Variants in GRIK4 observed in about 807,000 individuals in gnomAD.
GRIK4 encodes the protein glutamate receptor ionotropic, kainate 4.
GRIK4 carries 40 observed loss-of-function variants against 104.9 expected under a neutral mutation model. The observed-to-expected ratio is 0.38, with a 90% CI of 0.30 to 0.50. The LOEUF (loss-of-function observed/expected upper bound fraction) is 0.50, where lower values mean the gene tolerates loss of function less well. Ranked by LOEUF, GRIK4 falls within the 20% of genes least tolerant of loss-of-function variation. GRIK4 has a pLI of 0.93. For missense variants in GRIK4, 1,047 were observed against 1,308.1 expected (o/e 0.80, Z 3.08); for synonymous variants, 485 against 524.9 (o/e 0.92, Z 1.04).
chr11:120,660,951 G>T (rs1345531607), intron 3 of GRIK4, among the ~76,000 whole-genome samples: 1 of 152,132 alleles, frequency 6.6e-6, no homozygotes, highest in South Asian at 2.1e-4. Flanking sequence ...GCTGTGGGAC[G>T]CCCACTTTAG....
At chr11:120,898,076 C>T (rs1417462230) in intron 11 of GRIK4, among the ~76,000 whole-genome samples, 2 of 152,200 alleles carry the variant, frequency 1.3e-5, no homozygotes, top group Non-Finnish European at 2.9e-5. Flanking sequence ...TTCATTCTTT[C>T]AGCCATCCAG....
intron 1 of GRIK4, among the ~76,000 whole-genome samples, chr11:120,527,433 T>TGA (rs1947869406): frequency 6.6e-6 from 1 of 152,090 alleles, no homozygotes; most frequent in Non-Finnish European, 1.5e-5. Flanking sequence ...CCCCTGCCGG[T>TGA]GAGAGAGGGA....
At chr11:120,624,284 C>T (rs1326171495) in intron 1 of GRIK4, among the ~76,000 whole-genome samples, 2 of 152,114 alleles carry the variant, frequency 1.3e-5, no homozygotes, top group East Asian at 3.9e-4. Context: ...CAAGAGCGGA[C>T]TGTCTAGGCC....
chr11:120,968,953 C>T (rs537195320), intron 19 of GRIK4, among the ~76,000 whole-genome samples: 1 of 152,328 alleles, frequency 6.6e-6, no homozygotes, highest in East Asian at 1.9e-4. Context: ...ACCCTAGCAC[C>T]GTGCTCTGCT....
intron 1 of GRIK4, among the ~76,000 whole-genome samples, chr11:120,619,397 C>T (rs1949156855): frequency 6.6e-6 from 1 of 152,088 alleles, no homozygotes; most frequent in Non-Finnish European, 1.5e-5. Flanking sequence ...TCAAATGAGA[C>T]TTTGGACTTT....
chr11:120,519,743 C>G (rs1947773095), intron 1 of GRIK4, among the ~76,000 whole-genome samples: 2 of 152,084 alleles, frequency 1.3e-5, no homozygotes. Context: ...AGTGTGATTT[C>G]AAGCTCTAGT....
intron 3 of GRIK4, among the ~76,000 whole-genome samples, chr11:120,783,670 A>G (rs1952207235): frequency 1.3e-5 from 2 of 152,160 alleles, no homozygotes; most frequent in Non-Finnish European, 1.5e-5. Context: ...CCCCTGTGGT[A>G]AGTGATATTT....
intron 3 of GRIK4, among the ~76,000 whole-genome samples, chr11:120,748,215 C>G (rs1951481482): frequency 6.6e-6 from 1 of 152,092 alleles, no homozygotes; most frequent in Admixed American, 6.6e-5. Context: ...GTCCCTCCTC[C>G]TCTAGCACTT....
chr11:120,723,317 G>C (rs1278954911), intron 3 of GRIK4, among the ~76,000 whole-genome samples: 1 of 152,110 alleles, frequency 6.6e-6, no homozygotes, highest in Non-Finnish European at 1.5e-5. Flanking sequence ...CTCATTCCCA[G>C]CCCCTGTGCT....
chr11:120,818,660 A>C (rs558259297), intron 5 of GRIK4, among the ~76,000 whole-genome samples: 1 of 152,326 alleles, frequency 6.6e-6, no homozygotes, highest in African/African-American at 2.4e-5. Flanking sequence ...TAAAAGGATA[A>C]AGTAGGAGAC....
intron 1 of GRIK4, among the ~76,000 whole-genome samples, chr11:120,531,971 A>G (rs1947928382): frequency 6.6e-6 from 1 of 151,898 alleles, no homozygotes; most frequent in South Asian, 2.1e-4. Context: ...GCAGATGGCA[A>G]CCCTTCTTCT....
intron 1 of GRIK4, among the ~76,000 whole-genome samples, chr11:120,531,535 C>T (rs558067370): frequency 2.0e-5 from 3 of 152,112 alleles, no homozygotes; most frequent in Non-Finnish European, 1.5e-5. Flanking sequence ...GGGGTCTGCC[C>T]AAGGTCATGG....
chr11:120,687,145 G>A (rs973417081), intron 3 of GRIK4, among the ~76,000 whole-genome samples: 2 of 152,162 alleles, frequency 1.3e-5, no homozygotes, highest in African/African-American at 4.8e-5. Context: ...TCTGCTTGAC[G>A]CTTATGTAAA....
At chr11:120,870,522 G>A (rs1954577073) in intron 9 of GRIK4, 1 of 152,010 alleles carries the variant, frequency 6.6e-6, no homozygotes, top group Non-Finnish European at 1.5e-5. Context: ...AGTTGTCCTG[G>A]GAGATGAGGC....
Position 120,815,425 on chromosome 11 carries a change from T to C in GRIK4, c.295T>C (p.Ser99Pro). The C allele has an allele frequency of 6.4e-7, 1 of 1,552,918 alleles. No homozygotes were observed. Among genetic ancestry groups the C allele is most frequent in the South Asian group, 1.2e-5 (1 of 83,816 alleles). The stretch of plus-strand genomic sequence containing the variant: ...GGTGGTCGCTGTCCTCGGACCATCG[T>C]CCAGCCCAGCCTCCAGCTCCATCAT... Reference protein sequence around the residue: ...KGVVAVLGPSSSPASSSIISN... With the variant: ...KGVVAVLGPSPSPASSSIISN... The change falls in exon 5 of 21, where the codon TCC (serine) becomes CCC (proline). Residue 99 changes from serine (S) to proline (P), a missense_variant. Physicochemically the swap from Ser to Pro is moderately conservative, Grantham distance 74. Transcript: ENST00000527524.
intron 3 of GRIK4, among the ~76,000 whole-genome samples, chr11:120,712,572 G>A (rs778257994): frequency 6.6e-6 from 1 of 151,304 alleles, no homozygotes; most frequent in Non-Finnish European, 1.5e-5. Context: ...AGGATCACTT[G>A]AGCCCAGGAG....
At chr11:120,920,092 T>G (rs566141091) in intron 13 of GRIK4, among the ~76,000 whole-genome samples, 1 of 152,258 alleles carries the variant, frequency 6.6e-6, no homozygotes, top group East Asian at 1.9e-4. Context: ...CCATCCCGAC[T>G]GGACACCTAG....
intron 10 of GRIK4, among the ~76,000 whole-genome samples, chr11:120,874,665 A>G (rs763651580): frequency 1.3e-5 from 2 of 152,124 alleles, no homozygotes; most frequent in Admixed American, 6.5e-5. Context: ...TGGTGGGTGA[A>G]TGAGGATCTC....
intron 1 of GRIK4, among the ~76,000 whole-genome samples, chr11:120,626,666 G>C (rs4565903): frequency 0.66 from 99,910 of 151,948 alleles, 33,529 homozygotes; most frequent in African/African-American, 0.79. Flanking sequence ...GGAGCTCATT[G>C]CATCTGTTCC....
Sources: allele counts gnomAD v4.1 joint callset (sites outside exome capture counted in the v4.1 genomes callset), GRCh38; gene constraint gnomAD v4.1.1; transcripts MANE v1.5; gene names NCBI Gene and HGNC (gene_info 2026-07-23, HGNC 2026-07-21).